Variants in ZSCAN18 observed in about 807,000 individuals in gnomAD.
ZSCAN18 encodes the protein zinc finger and SCAN domain-containing protein 18.
In ZSCAN18, 16 loss-of-function variants were observed where a neutral mutation model predicts 31.1. The observed-to-expected ratio is 0.51, with a 90% CI of 0.35 to 0.78. The LOEUF (loss-of-function observed/expected upper bound fraction) is 0.78, where lower values mean the gene tolerates loss of function less well. Ranked by LOEUF, ZSCAN18 falls within the 30% of genes least tolerant of loss-of-function variation. The pLI is 0.01. For synonymous variants in ZSCAN18, 375 were observed against 320.7 expected, an observed-to-expected ratio of 1.17 and a Z score of -1.81; for missense variants, 731 against 697.4, an observed-to-expected ratio of 1.05 and a Z score of -0.54.
In ZSCAN18 at chr19:58,090,217, C is replaced by A. The variant is rs531440981; in HGVS notation, c.51G>T (p.Pro17=). Residue 17 remains proline (P), a synonymous_variant, in exon 2 of 7, where the codon CCG becomes CCT. Coordinates refer to ENST00000601144, the MANE Select transcript of ZSCAN18 (RefSeq NM_001145543.2). This position sits in a 1 kb window ranked among gnomAD's most constrained non-coding sequence, Gnocchi z 4.7. ...AFASPRSSPA[P]PDLPTPGSAA... is the part of the protein sequence containing the mutation. The stretch of plus-strand genomic sequence containing the variant: ...CTGACCCCGGCGTGGGCAGATCCGG[C>A]GGGGCTGGGGAGCTCCTGGGGGAGG... 1 of 1,613,490 alleles carries A rather than the reference C, an allele frequency of 6.2e-7. No homozygotes were observed. Among genetic ancestry groups the A allele is most frequent in the Non-Finnish European group, 8.5e-7 (1 of 1,180,030 alleles).
intron 1 of ZSCAN18, among the ~76,000 whole-genome samples, chr19:58,116,944 G>A (rs2074735134): frequency 6.6e-6 from 1 of 152,202 alleles, no homozygotes. Flanking sequence ...CTGGAGTGCA[G>A]TGGCATGATC....
In ZSCAN18 at chr19:58,086,205, C is replaced by T. The variant is rs1410315011; in HGVS notation, c.807G>A (p.Val269=). The T allele has an allele frequency of 4.3e-6, 7 of 1,613,938 alleles. No homozygotes were observed. The highest frequency in any genetic ancestry group is 5.9e-6 in the Non-Finnish European group (7 of 1,179,952). Residue 269 remains valine, a synonymous_variant, in exon 6 of 7, where the codon GTG becomes GTA. Coordinates refer to ENST00000601144, the MANE Select transcript of ZSCAN18 (RefSeq NM_001145543.2). ...GGCTGCTTCCTTGTGGATCTCTTTC[C>T]ACCAACCGGAGTTCCTCAGTGTCCA... The part of the protein sequence containing the change: ...SRLDTEELRL[V]ERDPQGSSLP...
chr19:58,106,350 C>T (rs2074633947), intron 1 of ZSCAN18, among the ~76,000 whole-genome samples: 1 of 152,124 alleles, frequency 6.6e-6, no homozygotes, highest in Non-Finnish European at 1.5e-5. Flanking sequence ...TGCAGCGAGC[C>T]ATGGTTGCAG....
chr19:58,086,251 T>C lies in ZSCAN18; in HGVS notation c.761A>G (p.Gln254Arg). ...GTCCAGCCTGGAGGCAGCGTCAGGC[T>C]GGGAAAGCTGATACCCTGAGTGGGG... ...KLLLWGYQLS[Q>R]PDAASRLDTE... is the part of the protein sequence containing the mutation. The change falls in exon 6 of 7, where the codon CAG becomes CGG. Residue 254 changes from glutamine (Q) to arginine (R), a missense_variant. Physicochemically the swap from Gln to Arg is conservative, Grantham distance 43. This residue lies in a region of ZSCAN18 where 597 missense variants were observed against 499.5 expected (regional missense o/e 1.20). Coordinates refer to ENST00000601144, the MANE Select transcript of ZSCAN18 (RefSeq NM_001145543.2). 1 of 1,613,932 alleles carries C rather than the reference T, an allele frequency of 6.2e-7. No homozygotes were observed.
chr19:58,090,003 G>C lies in ZSCAN18; in HGVS notation c.265C>G (p.Leu89Val). 4.3e-6 allele frequency: 7 copies of C among 1,614,092 alleles called. No individual in the cohort carries two copies. Among genetic ancestry groups the C allele is most frequent in the Middle Eastern group, 1.7e-4 (1 of 6,060 alleles). ...AACTGCTCCAGCACCAGCAGCTCCA[G>C]CATCTGCTCCTTGGAGCGCGCCTCA... ...MPEARSKEQMLELLVLEQFLG... is the reference protein window; with the variant it reads ...MPEARSKEQMVELLVLEQFLG... The change falls in exon 2 of 7, where the codon CTG (leucine) becomes GTG (valine). Residue 89 changes from leucine to valine, a missense_variant. Coordinates refer to ENST00000601144, the MANE Select transcript of ZSCAN18 (RefSeq NM_001145543.2). This position sits in a 1 kb window ranked among gnomAD's most constrained non-coding sequence, Gnocchi z 4.7.
intron 1 of ZSCAN18, chr19:58,107,584 T>A: frequency 1.2e-6 from 1 of 828,996 alleles, no homozygotes; most frequent in Non-Finnish European, 1.5e-6. Context: ...AAATATTGAG[T>A]GCACCATGCG....
chr19:58,088,495 C>A, intron 3 of ZSCAN18, 193 bp downstream of exon 3: 1 of 573,920 alleles, frequency 1.7e-6, no homozygotes, highest in Non-Finnish European at 3.1e-6. Context: ...GGATGATCTG[C>A]ATAATCTCTG....
intron 1 of ZSCAN18, chr19:58,118,161 T>A: frequency 2.0e-6 from 1 of 498,360 alleles, no homozygotes. Context: ...CCAGCGCCCC[T>A]AACAAGCCCC....
intron 1 of ZSCAN18, chr19:58,108,402 G>A: frequency 1.0e-6 from 1 of 985,456 alleles, no homozygotes; most frequent in Non-Finnish European, 1.2e-6. Flanking sequence ...GCAGCTGAAG[G>A]TCTTCCCATA....
chr19:58,095,058 A>T (rs2074494680), intron 1 of ZSCAN18, among the ~76,000 whole-genome samples: 1 of 152,118 alleles, frequency 6.6e-6, no homozygotes, highest in Non-Finnish European at 1.5e-5. Context: ...TCCTGTCTCT[A>T]ATGAATACAA....
chr19:58,116,933 G>A (rs2146033476), intron 1 of ZSCAN18, among the ~76,000 whole-genome samples: 1 of 152,276 alleles, frequency 6.6e-6, no homozygotes, highest in Middle Eastern at 3.4e-3. Flanking sequence ...CTCTGTCAGT[G>A]CTGGAGTGCA....
At chr19:58,117,246 G>C (rs1051624415) in intron 1 of ZSCAN18, among the ~76,000 whole-genome samples, 2 of 152,182 alleles carry the variant, frequency 1.3e-5, no homozygotes, top group African/African-American at 4.8e-5. Context: ...GGAGAGACTA[G>C]AAAGACTGAG....
At chr19:58,104,749 A>AT (rs60618830) in intron 1 of ZSCAN18, among the ~76,000 whole-genome samples, 3 of 147,804 alleles carry the variant, frequency 2.0e-5, no homozygotes, top group East Asian at 3.9e-4. Context: ...ATAAAATAAA[A>AT]AAGTCTGAAG....
intron 3 of ZSCAN18, 34 bp from the exon 4 acceptor site, chr19:58,087,438 A>G: frequency 6.4e-7 from 1 of 1,566,222 alleles, no homozygotes; most frequent in South Asian, 1.2e-5. Flanking sequence ...TGAGGCAATG[A>G]GCTCCCTGTG....
Position 58,085,203 on chromosome 19 carries a change from G to T in ZSCAN18, c.1015C>A (p.Gln339Lys). Residue 339 changes from glutamine to lysine, a missense_variant, in exon 7 of 7, where the codon CAG (glutamine) becomes AAG (lysine). Gln to Lys is a moderately conservative substitution (Grantham distance 53, BLOSUM62 1). Coordinates refer to ENST00000601144, the MANE Select transcript of ZSCAN18 (RefSeq NM_001145543.2). ...PGKAPDPQDP[Q>K]DAESDSATGS... ...GTGGCAGAGTCGGACTCCGCGTCCTGGGGGTCCTGCGGGTCCGGGGCCTTC... is the reference window on the plus strand; with the variant it reads ...GTGGCAGAGTCGGACTCCGCGTCCTTGGGGTCCTGCGGGTCCGGGGCCTTC... The T allele has an allele frequency of 1.9e-6, 3 of 1,609,388 alleles. No homozygotes were observed. Among genetic ancestry groups the T allele is most frequent in the Non-Finnish European group, 2.5e-6 (3 of 1,179,358 alleles).
At chr19:58,088,887 A>G in intron 2 of ZSCAN18, 50 bp from the exon 3 acceptor site, 5 of 1,565,446 alleles carry the variant, frequency 3.2e-6, no homozygotes, top group Non-Finnish European at 4.3e-6. Flanking sequence ...GACACGTGCC[A>G]ACAACAATCA....
intron 1 of ZSCAN18, chr19:58,097,794 C>T (rs2074549172): frequency 1.9e-5 from 2 of 107,736 alleles, no homozygotes; most frequent in Admixed American, 9.1e-5. Context: ...CCCCCTTTCT[C>T]CCCCATCAGG....
chr19:58,092,818 G>C, intron 1 of ZSCAN18: 1 of 647,880 alleles, frequency 1.5e-6, no homozygotes, highest in South Asian at 6.8e-5. Context: ...CTGTCACCCA[G>C]GCTGGAGTGC....
intron 1 of ZSCAN18, chr19:58,108,637 G>A (rs75110886): frequency 1.0e-6 from 1 of 985,580 alleles, no homozygotes; most frequent in Non-Finnish European, 1.2e-6. Context: ...GATGAAATGA[G>A]ATTTCGGTCT....
Sources: gnomAD v4.1 joint callset for allele counts (sites outside exome capture counted in the v4.1 genomes callset) on GRCh38, gnomAD v4.1.1 for gene constraint, gnomAD v4.1.1 regional missense constraint, Gnocchi (gnomAD v3.1) non-coding constraint, MANE v1.5 for transcripts, NCBI Gene and HGNC (gene_info 2026-07-23, HGNC 2026-07-21) for gene names.